TRIM67: variants seen among roughly 807,000 people sequenced by gnomAD.
TRIM67 encodes the protein tripartite motif-containing protein 67.
TRIM67 carries 39 observed loss-of-function variants against 71.0 expected under a neutral mutation model. The ratio of observed to expected loss-of-function variants is 0.55; its 90% CI spans 0.43 to 0.72. The LOEUF (loss-of-function observed/expected upper bound fraction) is 0.72, where lower values mean the gene tolerates loss of function less well. Ranked by LOEUF, TRIM67 falls within the 30% of genes least tolerant of loss-of-function variation. TRIM67 has a pLI of 0.00. For synonymous variants in TRIM67, 481 were observed against 473.9 expected (o/e 1.01, Z -0.19); for missense variants, 973 against 1,079.2 (o/e 0.90, Z 1.38).
At chr1:231,166,973 C>T (rs1682484860) in intron 1 of TRIM67, among the ~76,000 whole-genome samples, 1 of 152,096 alleles carries the variant, frequency 6.6e-6, no homozygotes, top group Non-Finnish European at 1.5e-5. Context: ...AAAAGGGTTA[C>T]TGTGTACCAT....
intron 1 of TRIM67, chr1:231,186,278 C>T: frequency 2.0e-6 from 2 of 983,026 alleles, no homozygotes; most frequent in Non-Finnish European, 3.1e-6. Flanking sequence ...AGGAGCACAT[C>T]TCTAGTTGGA....
At chr1:231,178,177 G>A (rs1682806040) in intron 1 of TRIM67, among the ~76,000 whole-genome samples, 1 of 152,190 alleles carries the variant, frequency 6.6e-6, no homozygotes, top group African/African-American at 2.4e-5. Flanking sequence ...CATGAAAAAA[G>A]CTGGCTGGGA....
chr1:231,186,202 G>T (rs72750750), intron 1 of TRIM67: 6 of 1,513,744 alleles, frequency 4.0e-6, no homozygotes, highest in Non-Finnish European at 5.3e-6. Context: ...TGGAACTCTT[G>T]AGCCCAAAGG....
At chr1:231,170,603 A>G (rs937806739) in intron 1 of TRIM67, among the ~76,000 whole-genome samples, 1 of 152,232 alleles carries the variant, frequency 6.6e-6, no homozygotes, top group Non-Finnish European at 1.5e-5. Context: ...TGGAGCTTAC[A>G]TGTAGAAATC....
At chr1:231,213,748 C>T (rs1409607558) in intron 8 of TRIM67, 67 bp from the exon 9 acceptor site, 3 of 1,489,908 alleles carry the variant, frequency 2.0e-6, no homozygotes, top group African/African-American at 1.4e-5. Flanking sequence ...GTAAATAATT[C>T]TCCTGAGTTA....
At chr1:231,164,374 G>T (rs775392081) in intron 1 of TRIM67, among the ~76,000 whole-genome samples, 1 of 152,168 alleles carries the variant, frequency 6.6e-6, no homozygotes, top group Non-Finnish European at 1.5e-5. Flanking sequence ...GTTAAGGCAT[G>T]CAGGATCTCC....
At chr1:231,202,234 A>AGTCAT (rs1683569129) in intron 5 of TRIM67, among the ~76,000 whole-genome samples, 1 of 8,980 alleles carries the variant, frequency 1.1e-4, no homozygotes, top group Non-Finnish European at 2.7e-4. Context: ...GTAGTAGGAG[A>AGTCAT]GGAGGGGGGG....
intron 2 of TRIM67, 82 bp downstream of exon 2, chr1:231,197,548 G>A: frequency 1.5e-6 from 2 of 1,333,492 alleles, no homozygotes; most frequent in Non-Finnish European, 2.1e-6. Context: ...GAAAGAGGCG[G>A]GGCACGGTGG....
Position 231,220,890 on chromosome 1 carries a change from G to C in TRIM67, c.*5450G>C, listed in dbSNP as rs570737920. 1 of 152,422 alleles carries C rather than the reference G, an allele frequency of 6.6e-6. No homozygotes were observed. Among genetic ancestry groups the C allele is most frequent in the Non-Finnish European group, 1.5e-5 (1 of 68,220 alleles). 9.4% of individuals were successfully genotyped at this position (152,422 alleles called of 1,614,324 possible). On this transcript the variant is annotated 3_prime_UTR_variant, in exon 10 of 10. Transcript: ENST00000366653. ...GCCCTCGGGTAAAGCTCTGAGGAGA[G>C]GCCAAAACCAGGCTTCAGGTTCGGG... is the stretch of plus-strand genomic sequence containing the variant.
At chr1:231,189,382 A>G (rs1683173314) in intron 1 of TRIM67, among the ~76,000 whole-genome samples, 1 of 152,152 alleles carries the variant, frequency 6.6e-6, no homozygotes, top group Non-Finnish European at 1.5e-5. Context: ...TGATGAAGTT[A>G]AGCATCTTGA....
In TRIM67 at chr1:231,219,090, T is replaced by C; in HGVS notation, c.*3650T>C. Reference sequence around the variant, plus strand: ...GCTGGTCCCATGGCCACCTGCTGGCTTTGAGGTAGTGAGGGAGGGTCAATC... The same window carrying C: ...GCTGGTCCCATGGCCACCTGCTGGCCTTGAGGTAGTGAGGGAGGGTCAATC... On this transcript the variant is annotated 3_prime_UTR_variant, in exon 10 of 10. Coordinates refer to ENST00000366653, the MANE Select transcript of TRIM67 (RefSeq NM_001004342.5). The C allele has an allele frequency of 1.0e-6, 1 of 985,472 alleles. No homozygotes were observed. The highest frequency in any genetic ancestry group is 1.2e-6 in the Non-Finnish European group (1 of 830,022). 61.0% of individuals were successfully genotyped at this position (985,472 alleles called of 1,614,324 possible). A position where few individuals can be genotyped will look rare whatever the true frequency, so the allele number is the denominator to read the frequency against.
chr1:231,191,665 C>T (rs1356757297), intron 1 of TRIM67, among the ~76,000 whole-genome samples: 3 of 152,076 alleles, frequency 2.0e-5, no homozygotes, highest in Non-Finnish European at 4.4e-5. Flanking sequence ...AGTTAACACC[C>T]AGAAGTCATA....
Position 231,163,964 on chromosome 1 carries a change from A to G in TRIM67, c.995A>G (p.His332Arg). 1.3e-6 allele frequency: 2 copies of G among 1,582,490 alleles called. No homozygotes were observed. The highest frequency in any genetic ancestry group is 1.7e-6 in the Non-Finnish European group (2 of 1,164,534). The change falls in exon 1 of 10, where the codon CAC (histidine) becomes CGC (arginine). Residue 332 changes from histidine (H) to arginine (R), a missense_variant. Coordinates refer to ENST00000366653, the MANE Select transcript of TRIM67 (RefSeq NM_001004342.5). Reference protein sequence around the residue: ...VCYLCLEEGRHAKHEVKPLGA... With the variant: ...VCYLCLEEGRRAKHEVKPLGA... ...TATCTGTGCCTGGAGGAGGGCCGGCACGCCAAGCACGAGGTGAAGCCGCTG... is the reference window on the plus strand; with the variant it reads ...TATCTGTGCCTGGAGGAGGGCCGGCGCGCCAAGCACGAGGTGAAGCCGCTG...
At chr1:231,207,062 G>A (rs780711040) in intron 7 of TRIM67, among the ~76,000 whole-genome samples, 8 of 152,196 alleles carry the variant, frequency 5.3e-5, no homozygotes, top group Non-Finnish European at 1.0e-4. Flanking sequence ...CAGGGCCGGA[G>A]GGGCCGGTTG....
At chr1:231,205,992 A>T (rs1683684717) in intron 6 of TRIM67, among the ~76,000 whole-genome samples, 1 of 152,198 alleles carries the variant, frequency 6.6e-6, no homozygotes, top group Non-Finnish European at 1.5e-5. Flanking sequence ...CCAGGACCCC[A>T]TCACGCCTCG....
At chr1:231,208,761 G>GAGCAGA (rs1683780426) in intron 7 of TRIM67, among the ~76,000 whole-genome samples, 186 bp from the exon 8 acceptor site, 1 of 152,194 alleles carries the variant, frequency 6.6e-6, no homozygotes, top group Non-Finnish European at 1.5e-5. Context: ...CACAGAGCAG[G>GAGCAGA]GAGTGTGTGC....
At chr1:231,185,099 A>G (rs1278766531) in intron 1 of TRIM67, 1 of 1,532,960 alleles carries the variant, frequency 6.5e-7, no homozygotes, top group African/African-American at 1.4e-5. Context: ...TTCGGTCACC[A>G]TCTGCTGGCT....
chr1:231,199,998 C>T, intron 3 of TRIM67, 150 bp from the exon 4 acceptor site: 2 of 611,244 alleles, frequency 3.3e-6, no homozygotes, highest in South Asian at 2.0e-5. Flanking sequence ...TGGAGCTTAG[C>T]AGCAGAGCTG....
At chr1:231,185,178 G>T (rs554824872) in intron 1 of TRIM67, 3 of 1,532,926 alleles carry the variant, frequency 2.0e-6, no homozygotes, top group Middle Eastern at 2.3e-4. Context: ...ACTCCACGGC[G>T]TCCATTCCTG....
Sources: gnomAD v4.1 joint callset for allele counts (sites outside exome capture counted in the v4.1 genomes callset) on GRCh38, gnomAD v4.1.1 for gene constraint, MANE v1.5 for transcripts, NCBI Gene and HGNC (gene_info 2026-07-23, HGNC 2026-07-21) for gene names.